Variants in LARGE1 observed in about 807,000 individuals in gnomAD.
LARGE1 encodes the protein xylosyl- and glucuronyltransferase LARGE1.
LARGE1 carries 43 observed loss-of-function variants against 87.6 expected under a neutral mutation model. The ratio of observed to expected loss-of-function variants is 0.49; its 90% CI spans 0.38 to 0.63. The LOEUF is 0.63. Among genes scored for constraint, LARGE1 ranks in the 30% least tolerant of loss-of-function variants. The pLI, the probability that LARGE1 is intolerant of heterozygous loss-of-function variation, is 0.00. For synonymous variants in LARGE1, 434 were observed against 394.6 expected, an observed-to-expected ratio of 1.10 and a Z score of -1.18; for missense variants, 802 against 1,000.2, an observed-to-expected ratio of 0.80 and a Z score of 2.67.
intron 3 of LARGE1, among the ~76,000 whole-genome samples, chr22:33,630,934 C>A (rs1254586534): frequency 6.6e-6 from 1 of 151,694 alleles, no homozygotes; most frequent in Non-Finnish European, 1.5e-5. Context: ...CTTACTGCAA[C>A]TTCTGCCTCC....
chr22:33,319,236 C>T (rs1461729298), intron 10 of LARGE1, among the ~76,000 whole-genome samples: 1 of 152,170 alleles, frequency 6.6e-6, no homozygotes. Context: ...TTGTCTCAGT[C>T]TTGAGGCTAG....
At chr22:33,686,755 G>A (rs1475206384) in intron 2 of LARGE1, among the ~76,000 whole-genome samples, 1 of 152,042 alleles carries the variant, frequency 6.6e-6, no homozygotes, top group African/African-American at 2.4e-5. Flanking sequence ...AATGCTCTCT[G>A]CATACAGCAG....
chr22:33,842,431 T>A (rs2063307640), intron 1 of LARGE1, among the ~76,000 whole-genome samples: 1 of 152,242 alleles, frequency 6.6e-6, no homozygotes, highest in South Asian at 2.1e-4. Context: ...TATATTCATC[T>A]GAGCAGTGCT....
chr22:33,112,513 G>A, the LARGE1 span, among the ~76,000 whole-genome samples: 3 of 152,192 alleles, frequency 2.0e-5, no homozygotes, highest in Admixed American at 1.3e-4. Flanking sequence ...AATATCACAG[G>A]GCGCATTCGG....
chr22:33,259,141 A>G (rs960357739), intron 11 of LARGE1, among the ~76,000 whole-genome samples: 1 of 152,060 alleles, frequency 6.6e-6, no homozygotes, highest in Admixed American at 6.6e-5. Flanking sequence ...GCCTCCCAAA[A>G]TACTGGGATT....
intron 11 of LARGE1, among the ~76,000 whole-genome samples, chr22:33,305,956 A>G (rs1934841216): frequency 6.7e-6 from 1 of 149,598 alleles, no homozygotes; most frequent in Non-Finnish European, 1.5e-5. Context: ...CTCCTGCCTC[A>G]GCCTCCCGAG....
chr22:33,142,349 C>G, the LARGE1 span, among the ~76,000 whole-genome samples: 1 of 152,066 alleles, frequency 6.6e-6, no homozygotes, highest in Non-Finnish European at 1.5e-5. Context: ...TCGCATTCCC[C>G]CAAACCCCTT....
At chr22:33,907,490 T>C (rs1304035146) in intron 1 of LARGE1, among the ~76,000 whole-genome samples, 2 of 152,168 alleles carry the variant, frequency 1.3e-5, no homozygotes, top group Non-Finnish European at 2.9e-5. Flanking sequence ...ACATAAAAGG[T>C]ACAAGGTTCT....
intron 6 of LARGE1, among the ~76,000 whole-genome samples, chr22:33,497,633 G>A (rs1213592760): frequency 6.6e-6 from 1 of 152,152 alleles, no homozygotes. Context: ...CATACAAAGT[G>A]TCCAGTATAT....
chr22:33,581,891 G>C (rs1252613653), intron 5 of LARGE1, among the ~76,000 whole-genome samples: 2 of 151,998 alleles, frequency 1.3e-5, no homozygotes, highest in Non-Finnish European at 2.9e-5. Flanking sequence ...CATCACCATG[G>C]GGTCACCAAG....
chr22:33,296,152 C>T (rs1040749279), intron 12 of LARGE1, among the ~76,000 whole-genome samples: 1 of 152,188 alleles, frequency 6.6e-6, no homozygotes, highest in African/African-American at 2.4e-5. Flanking sequence ...GAGCACTTGC[C>T]ACGTACTGGC....
chr22:33,682,292 A>G (rs1289848561), intron 2 of LARGE1, among the ~76,000 whole-genome samples: 2 of 152,238 alleles, frequency 1.3e-5, no homozygotes, highest in African/African-American at 2.4e-5. Context: ...ACGTTAACAC[A>G]GTGGTCTGTG....
chr22:33,402,195 T>G (rs957812256), intron 7 of LARGE1, among the ~76,000 whole-genome samples: 4 of 152,186 alleles, frequency 2.6e-5, no homozygotes, highest in Non-Finnish European at 4.4e-5. Flanking sequence ...TTTCTAACTC[T>G]GATGACATTG....
intron 14 of LARGE1, among the ~76,000 whole-genome samples, chr22:33,275,308 A>T (rs1569002601): frequency 6.6e-6 from 1 of 152,322 alleles, no homozygotes; most frequent in East Asian, 1.9e-4. Context: ...GATTTAGGTC[A>T]TATCGCTTAG....
chr22:33,466,006 A>G (rs1485711551), intron 6 of LARGE1, among the ~76,000 whole-genome samples: 2 of 152,172 alleles, frequency 1.3e-5, no homozygotes, highest in African/African-American at 4.8e-5. Context: ...GTCTAGACAT[A>G]AAAACCCAAA....
At chr22:33,480,703 A>G (rs2069282682) in intron 6 of LARGE1, among the ~76,000 whole-genome samples, 1 of 152,240 alleles carries the variant, frequency 6.6e-6, no homozygotes, top group Non-Finnish European at 1.5e-5. Flanking sequence ...TTGAAAAAAC[A>G]CAAAAAGAGT....
chr22:33,900,416 T>C (rs1437799684), intron 1 of LARGE1, among the ~76,000 whole-genome samples: 2 of 152,162 alleles, frequency 1.3e-5, no homozygotes, highest in African/African-American at 4.8e-5. Context: ...AAATGCTCAT[T>C]AGATGTCACT....
intron 1 of LARGE1, among the ~76,000 whole-genome samples, chr22:33,782,982 C>T (rs2085474559): frequency 6.6e-6 from 1 of 151,820 alleles, no homozygotes; most frequent in Non-Finnish European, 1.5e-5. Flanking sequence ...GCGTGTCAGG[C>T]CATACACTAC....
chr22:33,399,147 G>A (rs531145359), intron 7 of LARGE1, among the ~76,000 whole-genome samples: 16 of 144,078 alleles, frequency 1.1e-4, no homozygotes, highest in East Asian at 6.2e-4. Flanking sequence ...CCCCCGCCCC[G>A]ACCAAGAGGC....
Sources: gnomAD v4.1 joint callset for allele counts (sites outside exome capture counted in the v4.1 genomes callset) on GRCh38, gnomAD v4.1.1 for gene constraint, MANE v1.5 for transcripts, NCBI Gene and HGNC (gene_info 2026-07-23, HGNC 2026-07-21) for gene names.